Variants in MFSD1 observed in about 807,000 individuals in gnomAD.
MFSD1 encodes lysosomal dipeptide transporter MFSD1.
Under a neutral mutation model 67.1 loss-of-function variants are expected in MFSD1, and 59 were observed. The ratio of observed to expected loss-of-function variants is 0.88; its 90% CI spans 0.71 to 1.09. The LOEUF is 1.09. Among genes scored for constraint, MFSD1 ranks in the 50% least tolerant of loss-of-function variants. The pLI, the probability that MFSD1 is intolerant of heterozygous loss-of-function variation, is 0.00. For missense variants in MFSD1, 552 were observed against 566.1 expected (o/e 0.97, Z 0.25); for synonymous variants, 213 against 200.3 (o/e 1.06, Z -0.54).
At chr3:158,828,124 T>A (rs1416897039) in intron 15 of MFSD1, among the ~76,000 whole-genome samples, 1 of 152,212 alleles carries the variant, frequency 6.6e-6, no homozygotes, top group East Asian at 1.9e-4. Context: ...GGTACCAATA[T>A]GTGGTTCTGT....
intron 10 of MFSD1, 29 bp from the exon 11 acceptor site, chr3:158,821,955 A>C: frequency 6.3e-7 from 1 of 1,594,692 alleles, no homozygotes; most frequent in Non-Finnish European, 8.6e-7. Context: ...GTTGCATTTC[A>C]TGAAATGTCT....
At chr3:158,808,685 A>C (rs1034496208) in intron 5 of MFSD1, among the ~76,000 whole-genome samples, 1 of 152,042 alleles carries the variant, frequency 6.6e-6, no homozygotes, top group Non-Finnish European at 1.5e-5. Context: ...ATGCTCATGG[A>C]CTTTATGGGC....
chr3:158,817,917 C>T (rs1461661695), intron 7 of MFSD1, among the ~76,000 whole-genome samples: 1 of 152,086 alleles, frequency 6.6e-6, no homozygotes, highest in Non-Finnish European at 1.5e-5. Flanking sequence ...GAAATTATCT[C>T]CTGTTCAATT....
chr3:158,824,083 T>G (rs1163292406), intron 12 of MFSD1, 41 bp from the exon 13 acceptor site: 1 of 1,431,888 alleles, frequency 7.0e-7, no homozygotes, highest in Admixed American at 1.8e-5. Context: ...GTGTGAAGAC[T>G]TTTGAAAATG....
chr3:158,802,462 G>A, intron 1 of MFSD1, 147 bp downstream of exon 1: 1 of 943,248 alleles, frequency 1.1e-6, no homozygotes, highest in South Asian at 1.4e-5. Context: ...TCCCCTTTGC[G>A]ATCGATTCCA....
chr3:158,811,151 C>A (rs1028250424), intron 6 of MFSD1, among the ~76,000 whole-genome samples: 1 of 152,112 alleles, frequency 6.6e-6, no homozygotes, highest in Non-Finnish European at 1.5e-5. Flanking sequence ...GGATTGCTAA[C>A]GGAAAATATG....
At chr3:158,804,218 C>T (rs1729601885) in intron 1 of MFSD1, 101 bp from the exon 2 acceptor site, 1 of 736,478 alleles carries the variant, frequency 1.4e-6, no homozygotes. Flanking sequence ...TAGTGTCAAC[C>T]CGTAGTATCA....
chr3:158,819,367 T>A lies in MFSD1; in HGVS notation c.653-282T>A, dbSNP rs1730548754. Among the ~76,000 whole-genome samples, 3 of 152,254 alleles carry A rather than the reference T, an allele frequency of 2.0e-5. No homozygotes were observed. In the South Asian group the frequency reaches 6.2e-4, roughly 31 times the overall value. On this transcript the variant is annotated intron_variant, in intron 7 of 15. Coordinates refer to ENST00000415822, the MANE Select transcript of MFSD1 (RefSeq NM_022736.4). ...CTCATCAGTTTTCTTCAGTCTGTAT[T>A]CTGCATTACAGGACTAGACTAGTTT...
At chr3:158,826,194 C>T in intron 14 of MFSD1, 132 bp downstream of exon 14, 2 of 598,994 alleles carry the variant, frequency 3.3e-6, no homozygotes, top group South Asian at 5.1e-5. Context: ...GATGGAAACA[C>T]ATTTGATTAT....
intron 15 of MFSD1, among the ~76,000 whole-genome samples, chr3:158,827,911 A>AGG (rs1359384605): frequency 0.011 from 1,001 of 90,296 alleles, 32 homozygotes; most frequent in African/African-American, 0.045. Flanking sequence ...AGAGAGAGAG[A>AGG]GGGGGAGAGA....
chr3:158,821,141 C>T (rs925497636), intron 9 of MFSD1, among the ~76,000 whole-genome samples: 3 of 152,174 alleles, frequency 2.0e-5, no homozygotes, highest in African/African-American at 7.2e-5. Context: ...TTCTACTTCT[C>T]TCTCCTTTTT....
chr3:158,805,225 A>T (rs919757865), intron 2 of MFSD1, 137 bp from the exon 3 acceptor site: 4 of 713,766 alleles, frequency 5.6e-6, no homozygotes, highest in African/African-American at 3.5e-5. Flanking sequence ...AGTGAGACTT[A>T]TAAATGGTTA....
chr3:158,824,524 C>T (rs1478997715), intron 13 of MFSD1: 1 of 250,038 alleles, frequency 4.0e-6, no homozygotes, highest in Non-Finnish European at 7.7e-6. Context: ...CTGAGTATAT[C>T]CTTAATGTGA....
At chr3:158,802,530 T>C in intron 1 of MFSD1, 1 of 722,488 alleles carries the variant, frequency 1.4e-6, no homozygotes, top group Non-Finnish European at 2.5e-6. Flanking sequence ...GTCGAGGGAC[T>C]GAGCTGGGCG....
chr3:158,805,799 T>C (rs1045113265), intron 3 of MFSD1, among the ~76,000 whole-genome samples: 1 of 152,222 alleles, frequency 6.6e-6, no homozygotes, highest in African/African-American at 2.4e-5. Context: ...CTGAGCTGTT[T>C]GCAGCTTCCT....
intron 1 of MFSD1, 100 bp downstream of exon 1, chr3:158,802,415 C>T: frequency 2.2e-6 from 3 of 1,364,920 alleles, no homozygotes; most frequent in Non-Finnish European, 2.1e-6. Flanking sequence ...GGGGCCTCAG[C>T]GCAGCTTCTG....
chr3:158,804,376 G>A lies in MFSD1; in HGVS notation c.216+5G>A, dbSNP rs761915487. Reference sequence around the variant, plus strand: ...CTTCAGACTCAAGTTAAACGAGTAAGTTGATTTTTCACTCTTGTTTCTTTT... The same window carrying A: ...CTTCAGACTCAAGTTAAACGAGTAAATTGATTTTTCACTCTTGTTTCTTTT... On this transcript the variant is annotated splice_donor_5th_base_variant and intron_variant, in intron 2 of 15. Transcript: ENST00000415822. 2 of 1,609,268 alleles carry A rather than the reference G, an allele frequency of 1.2e-6. No individual in the cohort carries two copies. Among genetic ancestry groups the A allele is most frequent in the Admixed American group, 1.7e-5 (1 of 59,256 alleles).
At chr3:158,805,928 A>C (rs1729699397) in intron 3 of MFSD1, among the ~76,000 whole-genome samples, 1 of 152,216 alleles carries the variant, frequency 6.6e-6, no homozygotes, top group Non-Finnish European at 1.5e-5. Flanking sequence ...TGCTTCCTCC[A>C]GCCCCGGTGA....
intron 7 of MFSD1, among the ~76,000 whole-genome samples, chr3:158,816,080 T>C (rs1362924659): frequency 1.3e-5 from 2 of 151,968 alleles, no homozygotes; most frequent in African/African-American, 4.8e-5. Context: ...TGGTTCCAAG[T>C]CTTTGCTATT....
Sources: allele counts gnomAD v4.1 joint callset (sites outside exome capture counted in the v4.1 genomes callset), GRCh38; gene constraint gnomAD v4.1.1; transcripts MANE v1.5; gene names NCBI Gene and HGNC (gene_info 2026-07-23, HGNC 2026-07-21).